The following NDUFV2 variants were observed in gnomAD, a reference collection of about 807,000 sequenced individuals.
The protein encoded by NDUFV2 is NADH:ubiquinone oxidoreductase core subunit V2.
A neutral mutation model predicts 31.6 loss-of-function variants in NDUFV2; 18 were observed. That is an observed-to-expected ratio of 0.57 (90% CI 0.39 to 0.84). NDUFV2 has a LOEUF of 0.84. Among genes scored for constraint, NDUFV2 ranks in the 40% least tolerant of loss-of-function variants. The pLI is 0.00. For missense variants in NDUFV2, 314 were observed against 303.6 expected (o/e 1.03, Z -0.26); for synonymous variants, 83 against 99.8 (o/e 0.83, Z 1.01).
chr18:9,123,350 G>C (rs1198826385), intron 5 of NDUFV2, among the ~76,000 whole-genome samples: 1 of 151,834 alleles, frequency 6.6e-6, no homozygotes, highest in African/African-American at 2.4e-5. Flanking sequence ...TATAAATCCT[G>C]ATAACAATTG....
At chr18:9,116,081 T>C (rs867023979) in intron 1 of NDUFV2, among the ~76,000 whole-genome samples, 4 of 152,352 alleles carry the variant, frequency 2.6e-5, no homozygotes, top group Non-Finnish European at 5.9e-5. Context: ...TGTGAAACTT[T>C]TGTTCATGAT....
At chr18:9,103,349 G>T (rs1414546456) in intron 1 of NDUFV2, 1 of 388,684 alleles carries the variant, frequency 2.6e-6, no homozygotes, top group Non-Finnish European at 4.5e-6. Flanking sequence ...CTGAAAGAAC[G>T]GCGCCGCAAA....
At chr18:9,124,598 G>A (rs569530842) in intron 5 of NDUFV2, among the ~76,000 whole-genome samples, 43 of 151,826 alleles carry the variant, frequency 2.8e-4, no homozygotes, top group Admixed American at 7.9e-4. Flanking sequence ...ACAGGTGCCC[G>A]CCACCACACC....
chr18:9,134,091 T>G, intron 7 of NDUFV2, 95 bp from the exon 8 acceptor site: 3 of 858,864 alleles, frequency 3.5e-6, no homozygotes, highest in Admixed American at 3.9e-5. Context: ...GTAAAAATAG[T>G]TACTTAACTG....
At chr18:9,125,737 G>A (rs576906625) in intron 6 of NDUFV2, among the ~76,000 whole-genome samples, 1 of 152,198 alleles carries the variant, frequency 6.6e-6, no homozygotes, top group African/African-American at 2.4e-5. Flanking sequence ...TGGAGGGACT[G>A]TACTTAAGGT....
At chr18:9,114,371 A>C (rs2077886406) in intron 1 of NDUFV2, among the ~76,000 whole-genome samples, 1 of 152,050 alleles carries the variant, frequency 6.6e-6, no homozygotes, top group South Asian at 2.1e-4. Context: ...GTTTGACAGT[A>C]ACTCTTTGAT....
intron 1 of NDUFV2, among the ~76,000 whole-genome samples, chr18:9,109,995 G>A (rs2077861888): frequency 6.6e-6 from 1 of 152,120 alleles, no homozygotes; most frequent in Non-Finnish European, 1.5e-5. Flanking sequence ...TTGGTTGCAT[G>A]CTTTTCTTCT....
intron 2 of NDUFV2, 34 bp downstream of exon 2, chr18:9,117,937 A>C: frequency 6.9e-7 from 1 of 1,443,762 alleles, no homozygotes. Context: ...TGGAAAGAAA[A>C]GACTTGGAAA....
At chr18:9,104,671 C>T (rs1438454473) in intron 1 of NDUFV2, among the ~76,000 whole-genome samples, 1 of 152,028 alleles carries the variant, frequency 6.6e-6, no homozygotes, top group South Asian at 2.1e-4. Flanking sequence ...TCCCTCCCTC[C>T]TTCCTTCCTT....
intron 1 of NDUFV2, 179 bp downstream of exon 1, chr18:9,102,976 A>G (rs2077822387): frequency 3.4e-6 from 2 of 590,812 alleles, no homozygotes; most frequent in Non-Finnish European, 5.7e-6. Flanking sequence ...AGAAGCCCCG[A>G]GGGAGGGTTG....
chr18:9,118,822 T>TTG (rs1170008699), intron 2 of NDUFV2, among the ~76,000 whole-genome samples: 2 of 147,238 alleles, frequency 1.4e-5, no homozygotes, highest in East Asian at 3.9e-4. Context: ...GCTGTTTTTT[T>TTG]TTTTTTTTTT....
At chr18:9,110,027 A>AT (rs759633616) in intron 1 of NDUFV2, among the ~76,000 whole-genome samples, 1 of 152,084 alleles carries the variant, frequency 6.6e-6, no homozygotes, top group Non-Finnish European at 1.5e-5. Flanking sequence ...AGTTACTTGG[A>AT]TTTTCAATTG....
intron 1 of NDUFV2, among the ~76,000 whole-genome samples, chr18:9,109,998 TTTC>T (rs559678399): frequency 2.8e-4 from 43 of 152,296 alleles, no homozygotes; most frequent in Middle Eastern, 6.8e-3. Flanking sequence ...GTTGCATGCT[TTTC>T]TTCTTAAAAA....
intron 1 of NDUFV2, among the ~76,000 whole-genome samples, chr18:9,110,194 T>C: frequency 6.6e-6 from 1 of 152,306 alleles, no homozygotes; most frequent in South Asian, 2.1e-4. Context: ...TTTTCCAGTT[T>C]TAAGCCTGGT....
chr18:9,126,692 T>C lies in NDUFV2; in HGVS notation c.580-139T>C, dbSNP rs528282758. 5.5e-6 allele frequency: 4 copies of C among 721,098 alleles called. No individual in the cohort carries two copies. The Admixed American group carries it at 6.6e-5, about 12-fold the overall frequency. The allele number at this position is 721,098 out of a possible 1,614,324, so 44.7% of individuals were successfully genotyped here. Reference sequence around the variant, plus strand: ...GTTCATACCTGTAATCCCAGCACTTTGGGAGGCTGAGGTAGGAGGATTGCT... The same window carrying C: ...GTTCATACCTGTAATCCCAGCACTTCGGGAGGCTGAGGTAGGAGGATTGCT... On this transcript the variant is annotated intron_variant, in intron 6 of 7. Transcript: ENST00000318388.
At chr18:9,118,335 AG>A (rs1313891220) in intron 2 of NDUFV2, among the ~76,000 whole-genome samples, 2 of 152,202 alleles carry the variant, frequency 1.3e-5, no homozygotes, top group Admixed American at 1.3e-4. Flanking sequence ...AACTATAAAT[AG>A]AAGTCTGTGA....
Position 9,124,941 on chromosome 18 carries a change from C to T in NDUFV2, c.537C>T (p.Ala179=). The T allele has an allele frequency of 1.2e-6, 2 of 1,613,402 alleles. No individual in the cohort carries two copies. The highest frequency in any genetic ancestry group is 1.7e-6 in the Non-Finnish European group (2 of 1,179,688). The part of the protein sequence containing the change: ...FTLIEVECLG[A]CVNAPMVQIN... ...TTATAGAAGTGGAATGTTTAGGGGC[C>T]TGTGTGAACGCACCAATGGTTCAAA... The change falls in exon 6 of 8, where the codon GCC becomes GCT. Residue 179 remains alanine, a synonymous_variant. Coordinates refer to ENST00000318388, the MANE Select transcript of NDUFV2 (RefSeq NM_021074.5).
chr18:9,117,839 G>A lies in NDUFV2; in HGVS notation c.56G>A (p.Gly19Glu). Residue 19 changes from glycine (G) to glutamate (E), a missense_variant and splice_region_variant, in exon 2 of 8, where the codon GGA becomes GAA. Transcript: ENST00000318388. ...ARAAGLTAHW[G>E]RHVRNLHKTV... is the part of the protein sequence containing the mutation. ...CTTTCTTAAAATTTTAAATTTTAGGGAAGACATGTAAGGAATTTGCATAAG... is the reference window on the plus strand; with the variant it reads ...CTTTCTTAAAATTTTAAATTTTAGGAAAGACATGTAAGGAATTTGCATAAG... 2 of 1,585,954 alleles carry A rather than the reference G, an allele frequency of 1.3e-6. No individual in the cohort carries two copies. Among genetic ancestry groups the A allele is most frequent in the Non-Finnish European group, 1.7e-6 (2 of 1,155,542 alleles).
chr18:9,123,980 C>T (rs532275119), intron 5 of NDUFV2, among the ~76,000 whole-genome samples: 3 of 152,210 alleles, frequency 2.0e-5, no homozygotes, highest in Admixed American at 6.5e-5. Flanking sequence ...TAATCTTTGA[C>T]GTTAGGAGTT....
Sources: allele counts gnomAD v4.1 joint callset (sites outside exome capture counted in the v4.1 genomes callset), GRCh38; gene constraint gnomAD v4.1.1; transcripts MANE v1.5; gene names NCBI Gene and HGNC (gene_info 2026-07-23, HGNC 2026-07-21).